SPATA21: variants seen among roughly 807,000 people sequenced by gnomAD.
SPATA21 encodes the protein spermatogenesis-associated protein 21.
Under a neutral mutation model 54.8 loss-of-function variants are expected in SPATA21, and 47 were observed. The observed-to-expected ratio is 0.86, with a 90% CI of 0.68 to 1.09. The LOEUF is 1.09. SPATA21 is among the 50% of genes least tolerant of loss of function. The pLI, the probability that SPATA21 is intolerant of heterozygous loss-of-function variation, is 0.00. For missense variants in SPATA21, 599 were observed against 596.4 expected, an observed-to-expected ratio of 1.00 and a Z score of -0.05; for synonymous variants, 245 against 235.3, an observed-to-expected ratio of 1.04 and a Z score of -0.38.
intron 3 of SPATA21, among the ~76,000 whole-genome samples, chr1:16,424,470 A>C (rs1038513878): frequency 1.1e-4 from 16 of 151,024 alleles, no homozygotes; most frequent in African/African-American, 3.7e-4. Flanking sequence ...CCCAGGCTGG[A>C]GCACAGTGGT....
intron 1 of SPATA21, among the ~76,000 whole-genome samples, chr1:16,433,203 A>C (rs2086504043): frequency 6.6e-6 from 1 of 152,254 alleles, no homozygotes; most frequent in African/African-American, 2.4e-5. Flanking sequence ...AGGGACACAG[A>C]GGAGGCGCAC....
At position 16,421,143 on chromosome 1, in the gene SPATA21, G is replaced by A. The variant is rs1364310553; in HGVS notation, c.144+366C>T. Among the ~76,000 whole-genome samples, 1 of 152,016 alleles carries A rather than the reference G, an allele frequency of 6.6e-6. No individual in the cohort carries two copies. Among genetic ancestry groups the A allele is most frequent in the Non-Finnish European group, 1.5e-5 (1 of 67,996 alleles). ...GGGAAGGATGGCTGGGAGGGGTCGG[G>A]GAAGCCTCCCAGGTGTTCAGGGATG... On this transcript the variant is annotated intron_variant, in intron 5 of 12. Coordinates refer to ENST00000335496, the MANE Select transcript of SPATA21 (RefSeq NM_198546.1). This position sits in a 1 kb window ranked among gnomAD's most constrained non-coding sequence, Gnocchi z 5.2.
At chr1:16,398,987 C>T (rs572362510) in intron 12 of SPATA21, among the ~76,000 whole-genome samples, 165 bp from the exon 13 acceptor site, 74 of 152,302 alleles carry the variant, frequency 4.9e-4, no homozygotes, top group African/African-American at 1.7e-3. Context: ...AAGTCCAGAG[C>T]TCCCTTCCCC....
intron 5 of SPATA21, chr1:16,410,826 G>A (rs1031605470): frequency 5.7e-5 from 23 of 405,220 alleles, no homozygotes; most frequent in South Asian, 3.4e-4. Context: ...GATGACAAGC[G>A]TGTTCCACCG....
intron 3 of SPATA21, among the ~76,000 whole-genome samples, chr1:16,427,293 ACTTTT>A (rs1208656045): frequency 2.6e-5 from 4 of 151,906 alleles, no homozygotes; most frequent in African/African-American, 9.7e-5. Flanking sequence ...GTCTCTCCTA[ACTTTT>A]CTTGTAGAGG....
intron 10 of SPATA21, among the ~76,000 whole-genome samples, chr1:16,402,836 G>A (rs1468421013): frequency 6.6e-6 from 1 of 152,200 alleles, no homozygotes; most frequent in African/African-American, 2.4e-5. Flanking sequence ...TGAGGTGGGA[G>A]GATTGATTGA....
At chr1:16,423,080 C>T (rs1480124151) in intron 3 of SPATA21, among the ~76,000 whole-genome samples, 1 of 151,808 alleles carries the variant, frequency 6.6e-6, no homozygotes, top group Non-Finnish European at 1.5e-5. Context: ...TCACTTGAAC[C>T]CAGGAGGTGG....
rs370942700 is a variant in SPATA21 at position 16,409,539 on chromosome 1, G to T, written c.587+62C>A. 1 of 1,531,288 alleles carries T rather than the reference G, an allele frequency of 6.5e-7. No individual in the cohort carries two copies. Among genetic ancestry groups the T allele is most frequent in the South Asian group, 1.2e-5 (1 of 82,588 alleles). 94.9% of individuals were successfully genotyped at this position (1,531,288 alleles called of 1,614,324 possible). Reference sequence around the variant, plus strand: ...GGTGCAGGGACAGGGACCTGCATCCGGGACAAGGCTCTGATCTTGGGGCCT... The same window carrying T: ...GGTGCAGGGACAGGGACCTGCATCCTGGACAAGGCTCTGATCTTGGGGCCT... On this transcript the variant is annotated intron_variant, in intron 6 of 12. Transcript: ENST00000335496. This position sits in a 1 kb window ranked among gnomAD's most constrained non-coding sequence, Gnocchi z 4.1.
chr1:16,402,696 C>T (rs79965864), intron 10 of SPATA21, among the ~76,000 whole-genome samples: 50,999 of 151,752 alleles, frequency 0.34, 9,896 homozygotes, highest in East Asian at 0.67. Flanking sequence ...AGCTAGACTA[C>T]AGGCACACAC....
At chr1:16,413,094 T>C (rs2085900636) in intron 5 of SPATA21, among the ~76,000 whole-genome samples, 1 of 152,226 alleles carries the variant, frequency 6.6e-6, no homozygotes, top group African/African-American at 2.4e-5. Context: ...CGATTTTTTT[T>C]TTAGAGACAG....
intron 10 of SPATA21, among the ~76,000 whole-genome samples, chr1:16,401,143 T>C (rs1409171453): frequency 6.6e-6 from 1 of 152,200 alleles, no homozygotes; most frequent in East Asian, 1.9e-4. Flanking sequence ...TGACTTGACT[T>C]CTCTGAGCTT....
Position 16,421,871 on chromosome 1 carries a change from C to T in SPATA21, c.95+40G>A, listed in dbSNP as rs1351365023. 1.9e-6 allele frequency: 3 copies of T among 1,613,952 alleles called. No individual in the cohort carries two copies. The highest frequency in any genetic ancestry group is 3.3e-5 in the Admixed American group (2 of 60,010). ...CACCTGAAACTCAGCAGAAGAGCAT[C>T]CTTGTTGGGGGCAGGGGATGGCACT... On this transcript the variant is annotated intron_variant, in intron 4 of 12. Coordinates refer to ENST00000335496, the MANE Select transcript of SPATA21 (RefSeq NM_198546.1). The surrounding 1 kb of genome is among the most constrained non-coding windows in gnomAD (Gnocchi z 5.2).
downstream of SPATA21, chr1:16,396,005 C>G (rs1270771429): frequency 1.3e-5 from 2 of 152,678 alleles, no homozygotes; most frequent in African/African-American, 4.8e-5. Flanking sequence ...AACCGACTTC[C>G]CCTTCCCATA....
chr1:16,407,182 T>C (rs1370285506), intron 7 of SPATA21, among the ~76,000 whole-genome samples: 5 of 152,048 alleles, frequency 3.3e-5, no homozygotes, highest in Admixed American at 2.0e-4. Flanking sequence ...AGGATTGGTG[T>C]TGGGGCACGT....
chr1:16,402,008 G>A (rs980879908), intron 10 of SPATA21, among the ~76,000 whole-genome samples: 6 of 152,086 alleles, frequency 3.9e-5, no homozygotes, highest in Admixed American at 6.6e-5. Context: ...TACTAACACC[G>A]TGGGCCAAGG....
chr1:16,408,341 G>A (rs1293937310), intron 7 of SPATA21, among the ~76,000 whole-genome samples: 1 of 152,108 alleles, frequency 6.6e-6, no homozygotes, highest in Non-Finnish European at 1.5e-5. Flanking sequence ...GAGATGCAGT[G>A]GGAATGGGGT....
intron 2 of SPATA21, among the ~76,000 whole-genome samples, chr1:16,432,177 A>C (rs1213401880): frequency 1.4e-5 from 2 of 143,706 alleles, no homozygotes; most frequent in African/African-American, 5.2e-5. Flanking sequence ...GCTGGAGTGC[A>C]GTGCTGCAAT....
chr1:16,431,479 A>G lies in SPATA21; in HGVS notation c.-51-57T>C. The G allele has an allele frequency of 2.6e-6, 4 of 1,520,072 alleles. No individual in the cohort carries two copies. The South Asian group carries it at 5.0e-5, about 19-fold the overall frequency. The allele number at this position is 1,520,072 out of a possible 1,614,324, so 94.2% of individuals were successfully genotyped here. A position where few individuals can be genotyped will look rare whatever the true frequency, so the allele number is the denominator to read the frequency against. On this transcript the variant is annotated intron_variant, in intron 2 of 12. Coordinates refer to ENST00000335496, the MANE Select transcript of SPATA21 (RefSeq NM_198546.1). The stretch of plus-strand genomic sequence containing the variant: ...AAGCCCATCACCTAACTGCTGCTTC[A>G]GGAGCCCACTTGGAGCCTATAATGT...
chr1:16,413,436 GC>G (rs1173028197), intron 5 of SPATA21, among the ~76,000 whole-genome samples: 2 of 152,150 alleles, frequency 1.3e-5, no homozygotes, highest in African/African-American at 4.8e-5. Flanking sequence ...CACTTGAGTT[GC>G]TTTCATCTGT....
Sources: allele counts gnomAD v4.1 joint callset (sites outside exome capture counted in the v4.1 genomes callset), GRCh38; gene constraint gnomAD v4.1.1; non-coding constraint Gnocchi (gnomAD v3.1); transcripts MANE v1.5; gene names NCBI Gene and HGNC (gene_info 2026-07-23, HGNC 2026-07-21).